Variants in ANKRA2 observed in about 807,000 individuals in gnomAD.
ANKRA2 encodes the protein ankyrin repeat family A protein 2.
Under a neutral mutation model 37.8 loss-of-function variants are expected in ANKRA2, and 33 were observed. The ratio of observed to expected loss-of-function variants is 0.87; its 90% confidence interval spans 0.66 to 1.17. ANKRA2 has a LOEUF of 1.17. Among genes scored for constraint, ANKRA2 ranks in the 50% most tolerant of loss-of-function variants. The pLI is 0.00. For missense variants in ANKRA2, 326 were observed against 373.7 expected (o/e 0.87, Z 1.05); for synonymous variants, 126 against 132.3 (o/e 0.95, Z 0.33).
At chr5:73,556,857 G>A (rs973334727) in intron 4 of ANKRA2, among the ~76,000 whole-genome samples, 1 of 151,648 alleles carries the variant, frequency 6.6e-6, no homozygotes, top group African/African-American at 2.4e-5. Context: ...TTTTTCACAC[G>A]TCAGATTAGC....
intron 7 of ANKRA2, 87 bp from the exon 8 acceptor site, chr5:73,553,573 G>C: frequency 5.3e-6 from 6 of 1,136,186 alleles, no homozygotes; most frequent in Admixed American, 1.9e-5. Context: ...TAGCTGGAGA[G>C]ATTTTTCAGT....
intron 4 of ANKRA2, 25 bp downstream of exon 4, chr5:73,557,550 T>C: frequency 6.7e-7 from 1 of 1,501,814 alleles, no homozygotes; most frequent in Non-Finnish European, 9.1e-7. Context: ...TGAATTTGTT[T>C]AAATATTTTT....
chr5:73,559,912 C>T (rs779043666), intron 3 of ANKRA2, among the ~76,000 whole-genome samples: 4 of 151,936 alleles, frequency 2.6e-5, no homozygotes, highest in Non-Finnish European at 5.9e-5. Flanking sequence ...GTGTTTGCCA[C>T]CACACCTAGC....
At chr5:73,554,442 A>G (rs1747343245) in intron 6 of ANKRA2, 54 bp from the exon 7 acceptor site, 2 of 1,261,534 alleles carry the variant, frequency 1.6e-6, no homozygotes, top group East Asian at 4.6e-5. Flanking sequence ...GACTCAAGTA[A>G]TTTAATGCTG....
At chr5:73,562,403 GTA>G in intron 2 of ANKRA2, 188 bp downstream of exon 2, 1 of 496,518 alleles carries the variant, frequency 2.0e-6, no homozygotes, top group Non-Finnish European at 3.4e-6. Flanking sequence ...AAATCAACAT[GTA>G]CTTCCTTTAA....
intron 4 of ANKRA2, among the ~76,000 whole-genome samples, chr5:73,556,479 T>C (rs1418177537): frequency 6.6e-6 from 1 of 152,188 alleles, no homozygotes; most frequent in Non-Finnish European, 1.5e-5. Flanking sequence ...CAACAAAACA[T>C]ATTCCATATG....
intron 5 of ANKRA2, 116 bp from the exon 6 acceptor site, chr5:73,555,102 A>T: frequency 1.4e-6 from 2 of 1,473,438 alleles, no homozygotes; most frequent in South Asian, 1.4e-5. Flanking sequence ...TGGGCTTAAT[A>T]AAGAAATAAT....
At chr5:73,562,466 T>G (rs1390771685) in intron 2 of ANKRA2, 127 bp downstream of exon 2, 1 of 855,042 alleles carries the variant, frequency 1.2e-6, no homozygotes, top group East Asian at 2.7e-5. Flanking sequence ...TCTATGAGAT[T>G]CCAGAAAATC....
Position 73,554,891 on chromosome 5 carries a change from A to G in ANKRA2, c.708T>C (p.Asp236=), listed in dbSNP as rs766756128. 1 of 1,613,854 alleles carries G rather than the reference A, an allele frequency of 6.2e-7. No homozygotes were observed. Among genetic ancestry groups the G allele is most frequent in the South Asian group, 1.1e-5 (1 of 91,070 alleles). Residue 236 remains aspartate (D), a synonymous_variant, in exon 6 of 9, where the codon GAT becomes GAC. Transcript: ENST00000296785. ...GYTDIVKMLL[D]CGVDVNEYDW... ...CATATTCATTTACATCAACTCCACA[A>G]TCAAGCAGCATTTTGACAATATCTG...
intron 3 of ANKRA2, among the ~76,000 whole-genome samples, chr5:73,558,808 T>C (rs2081990): frequency 0.38 from 57,311 of 152,096 alleles, 12,278 homozygotes; most frequent in East Asian, 0.65. Context: ...GCTAGGATTA[T>C]AGGCATGAGC....
chr5:73,560,955 G>A (rs1747536365), intron 3 of ANKRA2, among the ~76,000 whole-genome samples, 175 bp downstream of exon 3: 1 of 152,218 alleles, frequency 6.6e-6, no homozygotes, highest in South Asian at 2.1e-4. Context: ...GTTCATCCAT[G>A]TGTCACCAAG....
chr5:73,558,666 C>T (rs1225529736), intron 3 of ANKRA2, among the ~76,000 whole-genome samples: 2 of 152,166 alleles, frequency 1.3e-5, no homozygotes, highest in Non-Finnish European at 2.9e-5. Flanking sequence ...CCCCAAATAG[C>T]TGGAACTATA....
Position 73,554,842 on chromosome 5 carries a change from T to G in ANKRA2, c.738+19A>C, listed in dbSNP as rs1405424301. On this transcript the variant is annotated intron_variant, in intron 6 of 8. Coordinates refer to ENST00000296785, the MANE Select transcript of ANKRA2 (RefSeq NM_023039.5). Reference sequence around the variant, plus strand: ...TAAAACTTGCTAGAGTCATTTTAAATTTAGTATTACAAACTTACCCAATCA... The same window carrying G: ...TAAAACTTGCTAGAGTCATTTTAAAGTTAGTATTACAAACTTACCCAATCA... 6.2e-7 allele frequency: 1 copy of G among 1,603,370 alleles called. No individual in the cohort carries two copies. The highest frequency in any genetic ancestry group is 8.5e-7 in the Non-Finnish European group (1 of 1,176,304).
intron 1 of ANKRA2, among the ~76,000 whole-genome samples, chr5:73,564,885 G>A (rs1031158638): frequency 2.0e-5 from 3 of 150,352 alleles, no homozygotes; most frequent in Non-Finnish European, 4.4e-5. Flanking sequence ...GGAGGCGGGG[G>A]TGAGGGGAGT....
intron 3 of ANKRA2, among the ~76,000 whole-genome samples, chr5:73,559,392 A>G: frequency 6.6e-6 from 1 of 152,194 alleles, no homozygotes; most frequent in South Asian, 2.1e-4. Context: ...ATATTTTTGT[A>G]TTTTAAATAG....
At position 73,565,634 on chromosome 5, in the gene ANKRA2, G is replaced by A. The variant is rs168222; in HGVS notation, c.-607C>T. The A allele has an allele frequency of 0.18, 74,306 of 402,886 alleles. 7,711 individuals are homozygous for A. Among genetic ancestry groups the A allele is most frequent in the Non-Finnish European group, 0.23 (46,096 of 201,086 alleles). The allele number at this position is 402,886 out of a possible 1,614,324, so 25.0% of individuals were successfully genotyped here. A position where few individuals can be genotyped will look rare whatever the true frequency, so the allele number is the denominator to read the frequency against. On this transcript the variant is annotated 5_prime_UTR_variant, in exon 1 of 9. Transcript: ENST00000296785. ...GACGGTTCTGGGTCACCAGAGCAGA[G>A]GAAGCCCCAATTTCGCCCTCCGGTC...
chr5:73,562,766 T>C lies in ANKRA2; in HGVS notation c.116A>G (p.Asn39Ser). ...DIKIEHPLDP[N>S]SEEGSAQGVA... ...ACCCTGAGCTGACCCTTCTTCTGAA[T>C]TTGGGTCCAGTGGATGTTCTATTTT... The change falls in exon 2 of 9, where the codon AAT (asparagine) becomes AGT (serine). Residue 39 changes from asparagine to serine, a missense_variant. Asn to Ser is a conservative substitution (Grantham distance 46, BLOSUM62 1). Around this residue, in one of 3 missense-constraint regions of ANKRA2, gnomAD observed 93 missense variants for 91.1 expected, o/e 1.02. Coordinates refer to ENST00000296785, the MANE Select transcript of ANKRA2 (RefSeq NM_023039.5). 6.2e-7 allele frequency: 1 copy of C among 1,614,188 alleles called. No homozygotes were observed. The highest frequency in any genetic ancestry group is 1.1e-5 in the South Asian group (1 of 91,090).
intron 3 of ANKRA2, among the ~76,000 whole-genome samples, chr5:73,560,851 T>C (rs1747533154): frequency 6.6e-6 from 1 of 152,230 alleles, no homozygotes; most frequent in Non-Finnish European, 1.5e-5. Context: ...GTACTTCCAC[T>C]GAGTTCTACT....
At chr5:73,553,575 T>A in intron 7 of ANKRA2, 89 bp from the exon 8 acceptor site, 1 of 1,126,758 alleles carries the variant, frequency 8.9e-7, no homozygotes, top group Non-Finnish European at 1.3e-6. Context: ...GCTGGAGAGA[T>A]TTTTCAGTTT....
Sources: allele counts gnomAD v4.1 joint callset (sites outside exome capture counted in the v4.1 genomes callset), GRCh38; gene constraint gnomAD v4.1.1; regional missense constraint gnomAD v4.1.1; transcripts MANE v1.5; gene names NCBI Gene and HGNC (gene_info 2026-07-23, HGNC 2026-07-21).